AKAP13: variants seen among roughly 807,000 people sequenced by gnomAD.
AKAP13 encodes the protein A-kinase anchor protein 13.
In AKAP13, 80 loss-of-function variants were observed where a neutral mutation model predicts 264.5. The ratio of observed to expected loss-of-function variants is 0.30; its 90% CI spans 0.25 to 0.36. The LOEUF is 0.36. Ranked by LOEUF, AKAP13 falls within the 10% of genes least tolerant of loss-of-function variation. AKAP13 has a pLI of 1.00. For missense variants in AKAP13, 3,712 were observed against 3,435.2 expected, an observed-to-expected ratio of 1.08 and a Z score of -2.01; for synonymous variants, 1,380 against 1,250.2, an observed-to-expected ratio of 1.10 and a Z score of -2.19.
intron 33 of AKAP13, among the ~76,000 whole-genome samples, chr15:85,737,297 G>C (rs2088612243): frequency 6.6e-6 from 1 of 152,040 alleles, no homozygotes; most frequent in Non-Finnish European, 1.5e-5. Flanking sequence ...CTTCTGGAAG[G>C]ATGCCCATCC....
At chr15:85,608,789 A>G (rs1046278491) in intron 8 of AKAP13, among the ~76,000 whole-genome samples, 1 of 152,204 alleles carries the variant, frequency 6.6e-6, no homozygotes, top group East Asian at 1.9e-4. Flanking sequence ...AACAATAGAA[A>G]ATGAGATTGG....
intron 1 of AKAP13, among the ~76,000 whole-genome samples, chr15:85,385,515 C>G (rs1030410475): frequency 1.1e-4 from 17 of 152,232 alleles, no homozygotes. Context: ...CAGAATTCTT[C>G]TGAGCCCTTT....
At chr15:85,616,145 C>CA (rs1187189214) in intron 8 of AKAP13, among the ~76,000 whole-genome samples, 1 of 152,152 alleles carries the variant, frequency 6.6e-6, no homozygotes, top group Non-Finnish European at 1.5e-5. Flanking sequence ...CACACCCCCA[C>CA]AAAAATATTC....
Position 85,744,784 on chromosome 15 carries a change from A to G in AKAP13, c.*107A>G, listed in dbSNP as rs2089319558. On this transcript the variant is annotated 3_prime_UTR_variant, in exon 37 of 37. Coordinates refer to ENST00000394518, the MANE Select transcript of AKAP13 (RefSeq NM_007200.5). ...TTACACTGGACGCCCACTGCTCCTC[A>G]GCGTCCAGTCCTCCTGGGCGGCCCC... 6 of 1,062,736 alleles carry G rather than the reference A, an allele frequency of 5.6e-6. No homozygotes were observed. The highest frequency in any genetic ancestry group is 8.1e-6 in the Non-Finnish European group (6 of 740,872). 65.8% of individuals were successfully genotyped at this position (1,062,736 alleles called of 1,614,324 possible).
chr15:85,567,358 G>A (rs1422921856), intron 5 of AKAP13, among the ~76,000 whole-genome samples: 6 of 152,052 alleles, frequency 3.9e-5, no homozygotes, highest in African/African-American at 7.2e-5. Flanking sequence ...CACCCACCTC[G>A]GCCTCCCAAA....
chr15:85,557,054 T>G (rs1407934298), intron 5 of AKAP13, among the ~76,000 whole-genome samples: 3 of 152,250 alleles, frequency 2.0e-5, no homozygotes, highest in Non-Finnish European at 4.4e-5. Flanking sequence ...AAGGTGTGAG[T>G]GTTCAGTCGA....
chr15:85,393,952 G>C (rs1292272099), intron 1 of AKAP13, among the ~76,000 whole-genome samples: 5 of 152,180 alleles, frequency 3.3e-5, no homozygotes, highest in Admixed American at 6.5e-5. Context: ...AGGCTTCCAT[G>C]TTTGTGCCTT....
At chr15:85,444,478 C>T (rs1484148087) in intron 1 of AKAP13, among the ~76,000 whole-genome samples, 1 of 152,178 alleles carries the variant, frequency 6.6e-6, no homozygotes, top group African/African-American at 2.4e-5. Context: ...GCCAGTGAAC[C>T]TTTGACTTGG....
intron 8 of AKAP13, among the ~76,000 whole-genome samples, chr15:85,627,382 A>AT (rs1236706005): frequency 6.6e-6 from 1 of 151,982 alleles, no homozygotes; most frequent in African/African-American, 2.4e-5. Flanking sequence ...TAGCTCTCTG[A>AT]TGTATACCTT....
Position 85,580,839 on chromosome 15 carries a change from A to C in AKAP13, c.2771A>C (p.Gln924Pro). The change falls in exon 7 of 37, where the codon CAG (glutamine) becomes CCG (proline). Residue 924 changes from glutamine (Q) to proline (P), a missense_variant. Gln to Pro is a moderately conservative substitution (Grantham distance 76, BLOSUM62 -1). This residue lies in a region of AKAP13 where 2,759 missense variants were observed against 2,411.7 expected (regional missense o/e 1.14). Coordinates refer to ENST00000394518, the MANE Select transcript of AKAP13 (RefSeq NM_007200.5). Reference sequence around the variant, plus strand: ...GTGGTTTCAGAAAGCTCTGCAGCTCAGGAACAAGATAAGGATAAAGCGGTG... The same window carrying C: ...GTGGTTTCAGAAAGCTCTGCAGCTCCGGAACAAGATAAGGATAAAGCGGTG... ...LLVVSESSAA[Q>P]EQDKDKAVTC... 6.2e-7 allele frequency: 1 copy of C among 1,614,156 alleles called. No homozygotes were observed. The highest frequency in any genetic ancestry group is 1.1e-5 in the South Asian group (1 of 91,084).
intron 1 of AKAP13, among the ~76,000 whole-genome samples, chr15:85,477,319 C>T (rs1350008809): frequency 1.3e-5 from 2 of 151,746 alleles, no homozygotes; most frequent in Non-Finnish European, 2.9e-5. Context: ...GCAGTGAGTC[C>T]TCCTTGGGGA....
At chr15:85,465,370 C>CT (rs756360845) in intron 1 of AKAP13, among the ~76,000 whole-genome samples, 120 of 151,896 alleles carry the variant, frequency 7.9e-4, no homozygotes, top group Non-Finnish European at 1.4e-3. Context: ...TATTATTATA[C>CT]TTTAAGTTTT....
At chr15:85,584,944 AT>A (rs1261939213) in intron 7 of AKAP13, among the ~76,000 whole-genome samples, 1 of 152,132 alleles carries the variant, frequency 6.6e-6, no homozygotes, top group East Asian at 1.9e-4. Context: ...AGAAGCCTAA[AT>A]TTGCCTCAGA....
At chr15:85,675,748 G>A (rs2084191740) in intron 14 of AKAP13, among the ~76,000 whole-genome samples, 1 of 152,196 alleles carries the variant, frequency 6.6e-6, no homozygotes, top group Non-Finnish European at 1.5e-5. Context: ...AGGAAACTGG[G>A]AATTAGCTGG....
chr15:85,587,214 C>G (rs1308213275), intron 8 of AKAP13, among the ~76,000 whole-genome samples: 1 of 152,144 alleles, frequency 6.6e-6, no homozygotes, highest in Non-Finnish European at 1.5e-5. Flanking sequence ...TTCTGTAAAT[C>G]CATAGAGAGA....
intron 8 of AKAP13, among the ~76,000 whole-genome samples, chr15:85,626,927 T>G (rs1370808315): frequency 2.0e-5 from 3 of 152,240 alleles, no homozygotes; most frequent in African/African-American, 4.8e-5. Context: ...TATCTTTTTT[T>G]GTTTAAATGA....
chr15:85,562,425 C>T (rs2078414198), intron 5 of AKAP13, among the ~76,000 whole-genome samples: 1 of 150,850 alleles, frequency 6.6e-6, no homozygotes, highest in South Asian at 2.1e-4. Context: ...ATTAGCTGGG[C>T]GTGGTGGCAA....
chr15:85,584,768 G>C (rs1389877923), intron 7 of AKAP13, among the ~76,000 whole-genome samples: 3 of 152,232 alleles, frequency 2.0e-5, no homozygotes. Context: ...AGAAACTTCT[G>C]TGCTCTTTAG....
In AKAP13 at chr15:85,687,855, A is replaced by G. The variant is rs543244049; in HGVS notation, c.5289+2982A>G. 5.9e-5 allele frequency among the ~76,000 whole-genome samples: 9 copies of G among 152,236 alleles called. No homozygotes were observed. The South Asian group carries it at 1.5e-3, about 25-fold the overall frequency. On this transcript the variant is annotated intron_variant, in intron 16 of 36. Coordinates refer to ENST00000394518, the MANE Select transcript of AKAP13 (RefSeq NM_007200.5). Reference sequence around the variant, plus strand: ...GGAGTTCAAGGTCAGCCTGGGCAGTATAGTGAGACCTCATCTCTACAAAAA... The same window carrying G: ...GGAGTTCAAGGTCAGCCTGGGCAGTGTAGTGAGACCTCATCTCTACAAAAA...
Sources: allele counts gnomAD v4.1 joint callset (sites outside exome capture counted in the v4.1 genomes callset), GRCh38; gene constraint gnomAD v4.1.1; regional missense constraint gnomAD v4.1.1; transcripts MANE v1.5; gene names NCBI Gene and HGNC (gene_info 2026-07-23, HGNC 2026-07-21).